The following ZNF18 variants were observed in gnomAD, a reference collection of about 807,000 sequenced individuals.
The protein encoded by ZNF18 is zinc finger protein 18.
ZNF18 carries 42 observed loss-of-function variants against 58.1 expected under a neutral mutation model. The ratio of observed to expected loss-of-function variants is 0.72; its 90% confidence interval spans 0.56 to 0.93. The LOEUF (loss-of-function observed/expected upper bound fraction) is 0.93, where lower values mean the gene tolerates loss of function less well. Among genes scored for constraint, ZNF18 ranks in the 40% least tolerant of loss-of-function variants. The pLI, the probability that ZNF18 is intolerant of heterozygous loss-of-function variation, is 0.00. For synonymous variants in ZNF18, 231 were observed against 239.8 expected, an observed-to-expected ratio of 0.96 and a Z score of 0.34; for missense variants, 540 against 644.2, an observed-to-expected ratio of 0.84 and a Z score of 1.75.
chr17:11,981,231 A>G (rs560783113), intron 6 of ZNF18, among the ~76,000 whole-genome samples: 1 of 151,976 alleles, frequency 6.6e-6, no homozygotes, highest in Non-Finnish European at 1.5e-5. Context: ...GACTTCCTGC[A>G]GACTTCTCTC....
intron 4 of ZNF18, 21 bp from the exon 5 acceptor site, chr17:11,984,218 G>GCAATA (rs771764077): frequency 8.5e-7 from 1 of 1,175,488 alleles, no homozygotes; most frequent in African/African-American, 1.5e-5. Flanking sequence ...AAAAAAAAAA[G>GCAATA]CAATACAATA....
intron 6 of ZNF18, among the ~76,000 whole-genome samples, chr17:11,982,657 AGT>A (rs143602913): frequency 0.03 from 4,088 of 136,702 alleles, 79 homozygotes; most frequent in Middle Eastern, 0.046. Context: ...TATATATAAA[AGT>A]GTGTGTGTGT....
the ZNF18 span, among the ~76,000 whole-genome samples, chr17:12,003,733 A>G: frequency 6.6e-6 from 1 of 152,208 alleles, no homozygotes; most frequent in Non-Finnish European, 1.5e-5. Flanking sequence ...TCTCAAATTT[A>G]AAAAGTCATT....
the ZNF18 span, among the ~76,000 whole-genome samples, chr17:12,005,624 G>A: frequency 6.6e-6 from 1 of 152,056 alleles, no homozygotes; most frequent in Admixed American, 6.6e-5. Flanking sequence ...TTATAACTAA[G>A]TGTCAAAAAT....
At chr17:12,016,634 T>A in the ZNF18 span, among the ~76,000 whole-genome samples, 5 of 152,190 alleles carry the variant, frequency 3.3e-5, no homozygotes, top group African/African-American at 1.2e-4. Flanking sequence ...CCAGTCCTTT[T>A]TTTTTTTGTT....
chr17:12,015,069 A>G, the ZNF18 span, among the ~76,000 whole-genome samples: 1 of 152,038 alleles, frequency 6.6e-6, no homozygotes, highest in Non-Finnish European at 1.5e-5. Context: ...AAAAAACCCC[A>G]CTGAATTATA....
the ZNF18 span, among the ~76,000 whole-genome samples, chr17:12,018,375 C>T: frequency 6.6e-6 from 1 of 152,118 alleles, no homozygotes; most frequent in Non-Finnish European, 1.5e-5. Flanking sequence ...GGCTGGAAGT[C>T]CAAGGTGTAG....
intron 6 of ZNF18, among the ~76,000 whole-genome samples, chr17:11,981,824 A>G (rs752233593): frequency 6.6e-6 from 1 of 152,152 alleles, no homozygotes; most frequent in Admixed American, 6.5e-5. Context: ...CTCCAAAGCA[A>G]TATTTTCAAC....
At chr17:12,004,103 C>T in the ZNF18 span, among the ~76,000 whole-genome samples, 12 of 152,208 alleles carry the variant, frequency 7.9e-5, no homozygotes, top group East Asian at 1.6e-3. Context: ...CAGTGGCACA[C>T]GCCTGTAATC....
At chr17:11,979,965 T>A (rs1967232850) in intron 6 of ZNF18, among the ~76,000 whole-genome samples, 1 of 152,238 alleles carries the variant, frequency 6.6e-6, no homozygotes, top group Non-Finnish European at 1.5e-5. Context: ...ATTTGCTTAT[T>A]GTGTTTTTGC....
the ZNF18 span, chr17:12,020,913 C>T: frequency 8.2e-7 from 1 of 1,212,246 alleles, no homozygotes. Flanking sequence ...CGAGCGGCGG[C>T]GGCGGCTCCG....
At chr17:11,984,218 G>T in intron 4 of ZNF18, 21 bp from the exon 5 acceptor site, 1 of 1,175,972 alleles carries the variant, frequency 8.5e-7, no homozygotes. Context: ...AAAAAAAAAA[G>T]CAATACAATA....
At chr17:12,011,056 G>C in the ZNF18 span, 1 of 738,636 alleles carries the variant, frequency 1.4e-6, no homozygotes, top group Admixed American at 1.7e-5. Context: ...TAGCCATGGT[G>C]ACACCTGTGG....
At chr17:11,998,227 G>C (rs1249491621), upstream of ZNF18, 1 of 152,184 alleles carries the variant, frequency 6.6e-6, no homozygotes, top group East Asian at 1.9e-4. Context: ...CATTTGTAAT[G>C]GTCAAGACCT....
Position 11,978,040 on chromosome 17 carries a change from A to T in ZNF18, c.1567T>A (p.Ser523Thr). Residue 523 changes from serine (S) to threonine (T), a missense_variant, in exon 7 of 7, where the codon TCG (serine) becomes ACG (threonine). Transcript: ENST00000580306. Reference protein sequence around the residue: ...VHTGEKPYKCSHCGKSFSWSS... With the variant: ...VHTGEKPYKCTHCGKSFSWSS... ...CAGCTGAAACTTTTCCCACAGTGCG[A>T]ACATTTATAAGGTTTCTCTCCAGTG... 6.2e-7 allele frequency: 1 copy of T among 1,612,720 alleles called. No individual in the cohort carries two copies. The highest frequency in any genetic ancestry group is 8.5e-7 in the Non-Finnish European group (1 of 1,179,530).
At chr17:12,015,814 A>G in the ZNF18 span, among the ~76,000 whole-genome samples, 1 of 151,336 alleles carries the variant, frequency 6.6e-6, no homozygotes, top group South Asian at 2.1e-4. Context: ...TTTGAGACAG[A>G]GTCTTTCTCT....
At chr17:12,014,977 G>A in the ZNF18 span, among the ~76,000 whole-genome samples, 2 of 152,108 alleles carry the variant, frequency 1.3e-5, no homozygotes, top group Non-Finnish European at 2.9e-5. Flanking sequence ...GAACCCGGAA[G>A]GCAGAGCTTG....
At chr17:12,003,123 C>T in the ZNF18 span, among the ~76,000 whole-genome samples, 3 of 152,146 alleles carry the variant, frequency 2.0e-5, no homozygotes, top group Non-Finnish European at 4.4e-5. Flanking sequence ...TACTAACATA[C>T]ATCACGTTTT....
chr17:11,987,804 C>T (rs1482378472), intron 4 of ZNF18, among the ~76,000 whole-genome samples: 1 of 152,128 alleles, frequency 6.6e-6, no homozygotes, highest in African/African-American at 2.4e-5. Flanking sequence ...CAGAAGGGTA[C>T]CTTTGATTCA....
Sources: gnomAD v4.1 joint callset for allele counts (sites outside exome capture counted in the v4.1 genomes callset) on GRCh38, gnomAD v4.1.1 for gene constraint, MANE v1.5 for transcripts, NCBI Gene and HGNC (gene_info 2026-07-23, HGNC 2026-07-21) for gene names.